The following C2CD2 variants were observed in gnomAD, a reference collection of about 807,000 sequenced individuals.
The protein encoded by C2CD2 is C2 calcium dependent domain containing 2.
Under a neutral mutation model 74.3 loss-of-function variants are expected in C2CD2, and 43 were observed. The ratio of observed to expected loss-of-function variants is 0.58; its 90% confidence interval spans 0.45 to 0.75. The LOEUF (loss-of-function observed/expected upper bound fraction) is 0.75. Ranked by LOEUF, C2CD2 falls within the 30% of genes least tolerant of loss-of-function variation. The pLI is 0.00. For missense variants in C2CD2, 801 were observed against 916.3 expected (o/e 0.87, Z 1.63); for synonymous variants, 422 against 390.7 (o/e 1.08, Z -0.94).
intron 1 of C2CD2, chr21:41,942,816 C>A: frequency 8.7e-6 from 2 of 230,850 alleles, no homozygotes; most frequent in Non-Finnish European, 1.4e-5. Context: ...GAGAGGGTGG[C>A]CAAGATTCCT....
intron 13 of C2CD2, chr21:41,894,875 GGCTGAGACAGGAGCACACTCTTGTCT>G: frequency 2.2e-6 from 1 of 456,762 alleles, no homozygotes; most frequent in Non-Finnish European, 4.4e-6. Context: ...TGAGGGTCAA[GGCTGAGACAGGAGCACACTCTTGTCT>G]GCTGGGCAGT....
At chr21:41,900,389 A>G (rs965324759) in intron 12 of C2CD2, among the ~76,000 whole-genome samples, 9 of 152,254 alleles carry the variant, frequency 5.9e-5, no homozygotes, top group African/African-American at 2.2e-4. Context: ...TGTGATTTTT[A>G]AATATGATCT....
chr21:41,899,806 C>A lies in C2CD2; in HGVS notation c.1561-444G>T, dbSNP rs1332221830. Among the ~76,000 whole-genome samples, 1 of 152,124 alleles carries A rather than the reference C, an allele frequency of 6.6e-6. No individual in the cohort carries two copies. Among genetic ancestry groups the A allele is most frequent in the Admixed American group, 6.5e-5 (1 of 15,272 alleles). ...TGCAAGTGGAAATTCACCGGCACAT[C>A]CTCTCAAAAATTATATTTTGTGTAA... On this transcript the variant is annotated intron_variant, in intron 12 of 13. Transcript: ENST00000380486. This position sits in a 1 kb window ranked among gnomAD's most constrained non-coding sequence, Gnocchi z 4.4.
chr21:41,944,661 C>T (rs929996388), intron 1 of C2CD2, among the ~76,000 whole-genome samples: 1 of 152,058 alleles, frequency 6.6e-6, no homozygotes, highest in Non-Finnish European at 1.5e-5. Flanking sequence ...GTTTCAGGAG[C>T]AGGGTGTGCC....
intron 2 of C2CD2, among the ~76,000 whole-genome samples, chr21:41,934,910 C>T (rs1000146681): frequency 4.6e-5 from 7 of 151,780 alleles, no homozygotes; most frequent in South Asian, 2.1e-4. Context: ...CTGTTTTTCC[C>T]GAGTAGAGTC....
intron 2 of C2CD2, among the ~76,000 whole-genome samples, chr21:41,928,849 C>T (rs557340981): frequency 1.3e-5 from 2 of 152,292 alleles, no homozygotes; most frequent in South Asian, 2.1e-4. Context: ...CGTCCAGTTC[C>T]GTCTGTAGCT....
intron 11 of C2CD2, among the ~76,000 whole-genome samples, chr21:41,904,474 T>G (rs1371836921): frequency 6.6e-6 from 1 of 152,164 alleles, no homozygotes; most frequent in Non-Finnish European, 1.5e-5. Context: ...ATAACTTGTT[T>G]TCAATTTACT....
At position 41,917,037 on chromosome 21, in the gene C2CD2, C is replaced by A. The variant is rs534666290; in HGVS notation, c.720+1068G>T. On this transcript the variant is annotated intron_variant, in intron 5 of 13. Coordinates refer to ENST00000380486, the MANE Select transcript of C2CD2 (RefSeq NM_015500.2). ...CCCCTCCATTTGGAGAGGCTGAGTG[C>A]CCCCAGGCCTCAGGCCCCTGGGAAG... Among the ~76,000 whole-genome samples the A allele has an allele frequency of 9.2e-5, 14 of 152,306 alleles. No homozygotes were observed. The South Asian group carries it at 2.7e-3, about 29-fold the overall frequency.
Position 41,889,303 on chromosome 21 carries a change from G to A in C2CD2, c.1912C>T (p.Arg638Trp), listed in dbSNP as rs770542701. 7 of 1,613,966 alleles carry A rather than the reference G, an allele frequency of 4.3e-6. No homozygotes were observed. Among genetic ancestry groups the A allele is most frequent in the South Asian group, 3.3e-5 (3 of 91,058 alleles). ...ATGCCTGGGTCTTTCTGTTGATGCC[G>A]CCGGCGGAAGAACAGCTTTGCACCT... ...RKGAKLFFRRRHQQKDPGMSQ... is the reference protein window; with the variant it reads ...RKGAKLFFRRWHQQKDPGMSQ... Residue 638 changes from arginine to tryptophan, a missense_variant, in exon 14 of 14, where the codon CGG becomes TGG. Physicochemically the swap from Arg to Trp is moderately radical, Grantham distance 101. Coordinates refer to ENST00000380486, the MANE Select transcript of C2CD2 (RefSeq NM_015500.2).
chr21:41,891,242 G>A (rs189552960), intron 13 of C2CD2, among the ~76,000 whole-genome samples: 22 of 152,296 alleles, frequency 1.4e-4, no homozygotes, highest in East Asian at 5.8e-4. Flanking sequence ...TAGTATCAAC[G>A]TGTAAATGAT....
intron 1 of C2CD2, among the ~76,000 whole-genome samples, chr21:41,948,875 TTTTTTTTTTTTTTTTTTC>T (rs979291536): frequency 6.4e-5 from 8 of 124,432 alleles, no homozygotes; most frequent in East Asian, 2.0e-4. Context: ...AGCATCTTTT[TTTTTTTTTTTTTTTTTTC>T]TTTTTTTTTA....
rs2065181882 is a variant in C2CD2 at position 41,923,908 on chromosome 21, G to C, written c.379-1823C>G. On this transcript the variant is annotated intron_variant, in intron 2 of 13. Coordinates refer to ENST00000380486, the MANE Select transcript of C2CD2 (RefSeq NM_015500.2). The surrounding 1 kb of genome is among the most constrained non-coding windows in gnomAD (Gnocchi z 5.8). ...AGGTGTGTACTGGCCAGGAGGAGGAGAGGGGAGGCCAGGGGCACAGTGGGC... is the reference window on the plus strand; with the variant it reads ...AGGTGTGTACTGGCCAGGAGGAGGACAGGGGAGGCCAGGGGCACAGTGGGC... Among the ~76,000 whole-genome samples, 1 of 152,150 alleles carries C rather than the reference G, an allele frequency of 6.6e-6. No individual in the cohort carries two copies. Among genetic ancestry groups the C allele is most frequent in the Admixed American group, 6.5e-5 (1 of 15,282 alleles).
chr21:41,897,034 C>T (rs899519441), intron 13 of C2CD2, among the ~76,000 whole-genome samples: 3 of 152,210 alleles, frequency 2.0e-5, no homozygotes, highest in East Asian at 1.9e-4. Context: ...TCTGAGCCTG[C>T]GTTGCAGGTG....
At chr21:41,935,470 C>T (rs2065299257) in intron 2 of C2CD2, among the ~76,000 whole-genome samples, 2 of 152,154 alleles carry the variant, frequency 1.3e-5, no homozygotes, top group South Asian at 4.1e-4. Context: ...AGAATGGAAC[C>T]ATGGCAGCCT....
At chr21:41,905,971 G>A (rs966428486) in intron 10 of C2CD2, 134 bp from the exon 11 acceptor site, 2 of 680,202 alleles carry the variant, frequency 2.9e-6, no homozygotes, top group African/African-American at 1.8e-5. Context: ...AACGAAAGCT[G>A]TTTTGAGGGG....
chr21:41,923,121 G>A lies in C2CD2; in HGVS notation c.379-1036C>T, dbSNP rs1249767671. On this transcript the variant is annotated intron_variant, in intron 2 of 13. Coordinates refer to ENST00000380486, the MANE Select transcript of C2CD2 (RefSeq NM_015500.2). The surrounding 1 kb of genome is among the most constrained non-coding windows in gnomAD (Gnocchi z 5.8). Reference sequence around the variant, plus strand: ...CACGATTCTCCTGCCTCAAACTCCCGAGTGGCTGGGTTTACAGGCGTGTGC... The same window carrying A: ...CACGATTCTCCTGCCTCAAACTCCCAAGTGGCTGGGTTTACAGGCGTGTGC... Among the ~76,000 whole-genome samples, 8 of 151,602 alleles carry A rather than the reference G, an allele frequency of 5.3e-5. No homozygotes were observed. Among genetic ancestry groups the A allele is most frequent in the African/African-American group, 7.3e-5 (3 of 41,216 alleles).
At chr21:41,933,443 T>C (rs1276889902) in intron 2 of C2CD2, among the ~76,000 whole-genome samples, 2 of 152,142 alleles carry the variant, frequency 1.3e-5, no homozygotes, top group East Asian at 3.8e-4. Flanking sequence ...CGAACAGTGT[T>C]AACAAAAAGA....
chr21:41,922,251 C>T (rs1459425608), intron 2 of C2CD2, among the ~76,000 whole-genome samples, 166 bp from the exon 3 acceptor site: 1 of 149,892 alleles, frequency 6.7e-6, no homozygotes, highest in Admixed American at 6.7e-5. Flanking sequence ...CTCCACCTCC[C>T]CAGCTCAGGC....
At position 41,891,858 on chromosome 21, in the gene C2CD2, A is replaced by C. The variant is rs563053909; in HGVS notation, c.1871-2514T>G. On this transcript the variant is annotated intron_variant, in intron 13 of 13. Transcript: ENST00000380486. ...AGGACTCAGAACCCCCAGCAGTGAGAGGTTCCCTCCTGCTCCACCTCCAAA... is the reference window on the plus strand; with the variant it reads ...AGGACTCAGAACCCCCAGCAGTGAGCGGTTCCCTCCTGCTCCACCTCCAAA... Among the ~76,000 whole-genome samples, 3 of 152,070 alleles carry C rather than the reference A, an allele frequency of 2.0e-5. No individual in the cohort carries two copies. In the South Asian group the frequency reaches 6.2e-4, roughly 32 times the overall value.
Sources: gnomAD v4.1 joint callset for allele counts (sites outside exome capture counted in the v4.1 genomes callset) on GRCh38, gnomAD v4.1.1 for gene constraint, Gnocchi (gnomAD v3.1) non-coding constraint, MANE v1.5 for transcripts, NCBI Gene and HGNC (gene_info 2026-07-23, HGNC 2026-07-21) for gene names.